Variants in ZBTB38 observed in about 807,000 individuals in gnomAD.
The protein encoded by ZBTB38 is zinc finger and BTB domain-containing protein 38.
In ZBTB38, 20 loss-of-function variants were observed where a neutral mutation model predicts 76.8. That is an observed-to-expected ratio of 0.26 (90% CI 0.18 to 0.38). ZBTB38 has a LOEUF of 0.38. Among genes scored for constraint, ZBTB38 ranks in the 10% least tolerant of loss-of-function variants. The pLI is 1.00. For missense variants in ZBTB38, 1,082 were observed against 1,482.3 expected (o/e 0.73, Z 4.43); for synonymous variants, 504 against 544.2 (o/e 0.93, Z 1.03).
chr3:141,383,864 T>C (rs1307863261), intron 3 of ZBTB38, among the ~76,000 whole-genome samples: 1 of 152,224 alleles, frequency 6.6e-6, no homozygotes, highest in Non-Finnish European at 1.5e-5. Context: ...GGGATTTGCC[T>C]TTTAAATTAA....
At chr3:141,361,357 G>A (rs1398730256) in intron 1 of ZBTB38, among the ~76,000 whole-genome samples, 1 of 152,194 alleles carries the variant, frequency 6.6e-6, no homozygotes, top group Non-Finnish European at 1.5e-5. Flanking sequence ...AGGACAACCA[G>A]GCTGGGAGGT....
At chr3:141,422,538 T>C (rs1385525192) in intron 5 of ZBTB38, among the ~76,000 whole-genome samples, 2 of 152,202 alleles carry the variant, frequency 1.3e-5, no homozygotes, top group Non-Finnish European at 2.9e-5. Flanking sequence ...GATGTTTCTA[T>C]GTGTGAAGAA....
chr3:141,377,234 C>A (rs941537545), intron 2 of ZBTB38, among the ~76,000 whole-genome samples: 1 of 152,252 alleles, frequency 6.6e-6, no homozygotes, highest in Non-Finnish European at 1.5e-5. Context: ...TCAGCCCCCC[C>A]ATCCAGAAAG....
chr3:141,430,080 T>G (rs543440782), intron 5 of ZBTB38, among the ~76,000 whole-genome samples: 5 of 151,580 alleles, frequency 3.3e-5, no homozygotes, highest in Non-Finnish European at 7.3e-5. Flanking sequence ...GTTTTGTTTT[T>G]TTGAGACAGA....
At chr3:141,360,578 A>T (rs1307570619) in intron 1 of ZBTB38, among the ~76,000 whole-genome samples, 1 of 152,176 alleles carries the variant, frequency 6.6e-6, no homozygotes, top group Non-Finnish European at 1.5e-5. Flanking sequence ...AACAATTCTA[A>T]TTTTTAAAAA....
chr3:141,418,917 C>G (rs779717336), intron 5 of ZBTB38, among the ~76,000 whole-genome samples: 1 of 152,190 alleles, frequency 6.6e-6, no homozygotes, highest in Non-Finnish European at 1.5e-5. Context: ...ATCACCTGGT[C>G]AGCAGTGTGC....
intron 5 of ZBTB38, among the ~76,000 whole-genome samples, chr3:141,417,523 G>A (rs960382687): frequency 2.6e-5 from 4 of 152,088 alleles, no homozygotes; most frequent in East Asian, 1.9e-4. Flanking sequence ...CCAGTTAGTC[G>A]ATTCTTCATC....
intron 4 of ZBTB38, chr3:141,402,570 G>A (rs1267838527): frequency 6.6e-6 from 1 of 151,566 alleles, no homozygotes; most frequent in Non-Finnish European, 1.5e-5. Flanking sequence ...AGGGAGCCGG[G>A]AAGCCGGGCT....
At chr3:141,440,646 T>C (rs2079918880) in intron 5 of ZBTB38, among the ~76,000 whole-genome samples, 1 of 152,160 alleles carries the variant, frequency 6.6e-6, no homozygotes, top group Admixed American at 6.5e-5. Flanking sequence ...AGGGTTTTTT[T>C]GTGTGTGTGT....
chr3:141,441,048 A>AG (rs1221140914), intron 5 of ZBTB38, among the ~76,000 whole-genome samples: 1 of 151,386 alleles, frequency 6.6e-6, no homozygotes, highest in African/African-American at 2.4e-5. Context: ...AAAAAAAAAA[A>AG]AAGAAAAGAA....
intron 1 of ZBTB38, among the ~76,000 whole-genome samples, chr3:141,348,013 A>G (rs1943413279): frequency 6.6e-6 from 1 of 152,256 alleles, no homozygotes; most frequent in African/African-American, 2.4e-5. Context: ...TTCCTTTAAC[A>G]TAGATTACCC....
chr3:141,404,069 T>G (rs942279244), intron 5 of ZBTB38, 38 bp downstream of exon 5: 2 of 152,188 alleles, frequency 1.3e-5, no homozygotes, highest in Non-Finnish European at 2.9e-5. Context: ...CTACATGAGA[T>G]AGGAAATGGT....
At position 141,406,255 on chromosome 3, in the gene ZBTB38, G is replaced by C. The variant is rs532160113; in HGVS notation, c.-1+2224G>C. 5.9e-5 allele frequency among the ~76,000 whole-genome samples: 9 copies of C among 152,304 alleles called. No individual in the cohort carries two copies. The South Asian group carries it at 1.0e-3, about 18-fold the overall frequency. ...GGACCAGGCTCTTGTGAGTAGCTTGGGGGGAGATCGGGAGGAGAGGCAGGG... is the reference window on the plus strand; with the variant it reads ...GGACCAGGCTCTTGTGAGTAGCTTGCGGGGAGATCGGGAGGAGAGGCAGGG... On this transcript the variant is annotated intron_variant, in intron 5 of 5. Transcript: ENST00000321464.
intron 5 of ZBTB38, among the ~76,000 whole-genome samples, chr3:141,412,971 G>A (rs1957167845): frequency 1.3e-5 from 2 of 152,300 alleles, no homozygotes; most frequent in South Asian, 2.1e-4. Context: ...AGCCTATGAA[G>A]AGGCGACTTT....
intron 5 of ZBTB38, among the ~76,000 whole-genome samples, chr3:141,416,239 A>G (rs544339297): frequency 6.6e-6 from 1 of 152,320 alleles, no homozygotes; most frequent in African/African-American, 2.4e-5. Flanking sequence ...TATTACATTA[A>G]TCTAGTTTAA....
intron 1 of ZBTB38, among the ~76,000 whole-genome samples, chr3:141,346,782 T>TTTTTTTTTTGTGTG (rs150173767): frequency 6.9e-6 from 1 of 144,562 alleles, no homozygotes; most frequent in Non-Finnish European, 1.5e-5. Context: ...TTGTTTTGTT[T>TTTTTTTTTTGTGTG]TGTGTGTGTG....
At chr3:141,348,116 T>C (rs533644732) in intron 1 of ZBTB38, among the ~76,000 whole-genome samples, 1 of 152,372 alleles carries the variant, frequency 6.6e-6, no homozygotes, top group Non-Finnish European at 1.5e-5. Flanking sequence ...ATTGAAGTTA[T>C]TTGTATTTGC....
intron 1 of ZBTB38, among the ~76,000 whole-genome samples, chr3:141,355,769 G>C (rs1943641310): frequency 6.6e-6 from 1 of 152,058 alleles, no homozygotes; most frequent in African/African-American, 2.4e-5. Context: ...TTTAGCCACA[G>C]CAACTGTCTC....
chr3:141,351,619 G>T (rs1367717581), intron 1 of ZBTB38, among the ~76,000 whole-genome samples: 2 of 150,314 alleles, frequency 1.3e-5, no homozygotes, highest in Non-Finnish European at 3.0e-5. Flanking sequence ...TGTAGTCCTA[G>T]TTACGTGGGA....
Sources: allele counts gnomAD v4.1 joint callset (sites outside exome capture counted in the v4.1 genomes callset), GRCh38; gene constraint gnomAD v4.1.1; transcripts MANE v1.5; gene names NCBI Gene and HGNC (gene_info 2026-07-23, HGNC 2026-07-21).